CSNK2A2IP: variants seen among roughly 807,000 people sequenced by gnomAD.
CSNK2A2IP encodes casein kinase II subunit alpha'-interacting protein.
chr3:88,387,445 A>C, the CSNK2A2IP span, among the ~76,000 whole-genome samples: 1 of 152,174 alleles, frequency 6.6e-6, no homozygotes, highest in African/African-American at 2.4e-5. Flanking sequence ...CTGGGATTAC[A>C]GGCATGAGCT....
the CSNK2A2IP span, among the ~76,000 whole-genome samples, chr3:88,353,830 T>C: frequency 6.6e-6 from 1 of 152,200 alleles, no homozygotes; most frequent in Admixed American, 6.5e-5. Flanking sequence ...GACTTTTGTA[T>C]TTTTAGCTGT....
the CSNK2A2IP span, among the ~76,000 whole-genome samples, chr3:88,354,365 G>C: frequency 6.6e-6 from 1 of 152,158 alleles, no homozygotes; most frequent in Non-Finnish European, 1.5e-5. Flanking sequence ...CTCAATAAGA[G>C]GTAGTTGCCA....
At chr3:88,340,134 T>C in the CSNK2A2IP span, among the ~76,000 whole-genome samples, 1 of 152,020 alleles carries the variant, frequency 6.6e-6, no homozygotes, top group Non-Finnish European at 1.5e-5. Flanking sequence ...TTATGACTTG[T>C]TGAGAGTATG....
chr3:88,419,587 G>A, the CSNK2A2IP span, among the ~76,000 whole-genome samples: 3 of 152,026 alleles, frequency 2.0e-5, no homozygotes, highest in Non-Finnish European at 4.4e-5. Context: ...GTTTCTTTAC[G>A]GCAGAATGGT....
chr3:88,415,467 T>A, the CSNK2A2IP span, among the ~76,000 whole-genome samples: 13 of 152,090 alleles, frequency 8.5e-5, no homozygotes, highest in Non-Finnish European at 1.6e-4. Flanking sequence ...TAGAAACTGA[T>A]TTTGACGTTC....
At chr3:88,416,413 G>A in the CSNK2A2IP span, among the ~76,000 whole-genome samples, 11 of 152,114 alleles carry the variant, frequency 7.2e-5, no homozygotes, top group Non-Finnish European at 1.6e-4. Flanking sequence ...GAGTCAAGAT[G>A]TTCCCTACAG....
the CSNK2A2IP span, among the ~76,000 whole-genome samples, chr3:88,372,058 A>G: frequency 2.0e-5 from 3 of 151,850 alleles, no homozygotes; most frequent in African/African-American, 7.2e-5. Context: ...GTAATCAGTC[A>G]TAAAGGAAAG....
the CSNK2A2IP span, among the ~76,000 whole-genome samples, chr3:88,450,952 A>G: frequency 6.6e-6 from 1 of 152,150 alleles, no homozygotes; most frequent in African/African-American, 2.4e-5. Flanking sequence ...TGACTGTGTC[A>G]ATCTACATTT....
chr3:88,342,294 A>G, the CSNK2A2IP span, among the ~76,000 whole-genome samples: 20 of 152,132 alleles, frequency 1.3e-4, no homozygotes, highest in East Asian at 3.9e-3. Flanking sequence ...TACATCGTGA[A>G]TTATAGCAAG....
the CSNK2A2IP span, among the ~76,000 whole-genome samples, chr3:88,355,659 A>G: frequency 7.2e-5 from 11 of 152,166 alleles, no homozygotes; most frequent in Non-Finnish European, 1.2e-4. Context: ...GAAGTATGTT[A>G]TTATTATTTG....
the CSNK2A2IP span, among the ~76,000 whole-genome samples, chr3:88,404,141 T>C: frequency 6.6e-5 from 10 of 151,406 alleles, no homozygotes; most frequent in African/African-American, 2.4e-4. Context: ...TGGTTTAGAA[T>C]GTGCACACCA....
At chr3:88,376,001 T>G in the CSNK2A2IP span, among the ~76,000 whole-genome samples, 1 of 151,762 alleles carries the variant, frequency 6.6e-6, no homozygotes, top group Non-Finnish European at 1.5e-5. Context: ...GATTTCAGCT[T>G]GTATTACCCA....
At chr3:88,363,305 T>A in the CSNK2A2IP span, among the ~76,000 whole-genome samples, 2 of 152,336 alleles carry the variant, frequency 1.3e-5, no homozygotes, top group East Asian at 3.9e-4. Context: ...AATGTACTAA[T>A]CTTTTCTTCT....
chr3:88,396,165 C>T, the CSNK2A2IP span, among the ~76,000 whole-genome samples: 1 of 141,684 alleles, frequency 7.1e-6, no homozygotes, highest in East Asian at 2.1e-4. Context: ...AGTGCAGTGG[C>T]GCAATCTCGG....
chr3:88,356,257 G>A, the CSNK2A2IP span, among the ~76,000 whole-genome samples: 1 of 151,780 alleles, frequency 6.6e-6, no homozygotes, highest in Admixed American at 6.6e-5. Context: ...GTCCACCACC[G>A]TTTCCTGCCT....
At chr3:88,459,853 C>T in the CSNK2A2IP span, among the ~76,000 whole-genome samples, 2 of 151,870 alleles carry the variant, frequency 1.3e-5, no homozygotes, top group African/African-American at 2.4e-5. Flanking sequence ...AATAATATAA[C>T]ATCATTGTTT....
chr3:88,460,209 A>G, the CSNK2A2IP span, among the ~76,000 whole-genome samples: 1 of 151,858 alleles, frequency 6.6e-6, no homozygotes, highest in Non-Finnish European at 1.5e-5. Flanking sequence ...GCCTCATTGA[A>G]TTTTCTCCCA....
chr3:88,408,503 A>G, the CSNK2A2IP span, among the ~76,000 whole-genome samples: 1 of 152,108 alleles, frequency 6.6e-6, no homozygotes, highest in East Asian at 1.9e-4. Flanking sequence ...AGTATAATAA[A>G]AAAGAAAACT....
the CSNK2A2IP span, among the ~76,000 whole-genome samples, chr3:88,432,127 A>G: frequency 2.6e-5 from 4 of 151,920 alleles, no homozygotes; most frequent in South Asian, 8.3e-4. Context: ...ATTCCTTACT[A>G]TGTAATTTTT....
Sources: gnomAD v4.1 joint callset for allele counts (sites outside exome capture counted in the v4.1 genomes callset) on GRCh38, gnomAD v4.1.1 for gene constraint, MANE v1.5 for transcripts, NCBI Gene and HGNC (gene_info 2026-07-23, HGNC 2026-07-21) for gene names.